GPHN: variants seen among roughly 807,000 people sequenced by gnomAD.
GPHN encodes the protein gephyrin.
A neutral mutation model predicts 95.5 loss-of-function variants in GPHN; 17 were observed. The ratio of observed to expected loss-of-function variants is 0.18; its 90% CI spans 0.12 to 0.27. The LOEUF is 0.27. Ranked by LOEUF, GPHN falls within the 10% of genes least tolerant of loss-of-function variation. The pLI is 1.00. For missense variants in GPHN, 660 were observed against 978.1 expected (o/e 0.67, Z 4.34); for synonymous variants, 320 against 322.5 (o/e 0.99, Z 0.08).
chr14:66,754,583 T>C (rs932767610), intron 2 of GPHN, among the ~76,000 whole-genome samples: 1 of 151,948 alleles, frequency 6.6e-6, no homozygotes, highest in Non-Finnish European at 1.5e-5. Flanking sequence ...TAGAGTAATA[T>C]AAATAATGCG....
chr14:66,743,398 A>C (rs2072967783), intron 2 of GPHN, among the ~76,000 whole-genome samples: 1 of 152,114 alleles, frequency 6.6e-6, no homozygotes, highest in South Asian at 2.1e-4. Flanking sequence ...AAACTCCCTT[A>C]AACTAAGCCC....
At chr14:67,377,345 C>T in the GPHN span, among the ~76,000 whole-genome samples, 2 of 151,228 alleles carry the variant, frequency 1.3e-5, no homozygotes, top group African/African-American at 4.9e-5. Context: ...GGTCTCCAGC[C>T]TCAGCTGTTC....
Position 66,873,039 on chromosome 14 carries a change from G to A in GPHN, c.295-6900G>A, listed in dbSNP as rs145642018. On this transcript the variant is annotated intron_variant, in intron 4 of 22. Coordinates refer to ENST00000478722, the MANE Select transcript of GPHN (RefSeq NM_020806.5). ...GTCTGCAACGCCCAGCAAGATCAAC[G>A]CAGTAGGCAGGTGATTGCTGCATTT... 3.5e-3 allele frequency among the ~76,000 whole-genome samples: 527 copies of A among 152,282 alleles called. 4 individuals carry two copies. The highest frequency in any genetic ancestry group is 4.3e-3 in the Non-Finnish European group (291 of 68,026).
chr14:67,307,070 GCT>G, the GPHN span, among the ~76,000 whole-genome samples: 1 of 144,212 alleles, frequency 6.9e-6, no homozygotes, highest in East Asian at 2.4e-4. Context: ...TGTCAGAAGT[GCT>G]CTCTTGAGTT....
chr14:66,939,796 G>A (rs2067314094), intron 8 of GPHN, among the ~76,000 whole-genome samples: 1 of 152,130 alleles, frequency 6.6e-6, no homozygotes, highest in Non-Finnish European at 1.5e-5. Context: ...CACTGTTTTG[G>A]TAAACAGCAG....
the GPHN span, among the ~76,000 whole-genome samples, chr14:67,724,782 A>G: frequency 1.3e-5 from 2 of 152,108 alleles, no homozygotes; most frequent in African/African-American, 4.8e-5. Context: ...CTTCTTTCCT[A>G]TTCCCTCTCT....
At chr14:67,240,735 G>A in the GPHN span, among the ~76,000 whole-genome samples, 2 of 152,224 alleles carry the variant, frequency 1.3e-5, no homozygotes, top group Admixed American at 6.5e-5. Flanking sequence ...CGCCAGCCAT[G>A]CCCGGAGCAC....
chr14:67,291,938 A>G, the GPHN span, among the ~76,000 whole-genome samples: 1 of 152,244 alleles, frequency 6.6e-6, no homozygotes, highest in African/African-American at 2.4e-5. Context: ...TCTGGGACTT[A>G]CCTTATGAAG....
intron 9 of GPHN, among the ~76,000 whole-genome samples, chr14:66,974,308 C>T (rs1482268330): frequency 2.6e-5 from 4 of 152,072 alleles, no homozygotes; most frequent in African/African-American, 4.8e-5. Flanking sequence ...CTCTGATGTT[C>T]TGCTGGGTAT....
At chr14:66,916,328 C>G (rs1163637818) in intron 6 of GPHN, among the ~76,000 whole-genome samples, 2 of 152,136 alleles carry the variant, frequency 1.3e-5, no homozygotes, top group African/African-American at 4.8e-5. Context: ...GTGCATAAGA[C>G]AACGTCCAGG....
intron 17 of GPHN, among the ~76,000 whole-genome samples, chr14:67,141,043 T>G (rs1253249946): frequency 6.6e-6 from 1 of 152,172 alleles, no homozygotes; most frequent in African/African-American, 2.4e-5. Flanking sequence ...ACCTGGGCAC[T>G]TTTTTGGCTG....
chr14:66,776,333 GT>G lies in GPHN; in HGVS notation c.144-126del, dbSNP rs1031486316. 6.9e-6 allele frequency: 5 copies of G among 723,888 alleles called. No homozygotes were observed. In the African/African-American group the frequency reaches 8.7e-5, roughly 13 times the overall value. 44.8% of individuals were successfully genotyped at this position (723,888 alleles called of 1,614,324 possible). ...TGGAAAATATATGCACAAAATGGTT[GT>G]TTTTCCTCCATGGTTGTTGGGGTGA... is the stretch of plus-strand genomic sequence containing the variant. On this transcript the variant is annotated intron_variant, in intron 2 of 22. Coordinates refer to ENST00000478722, the MANE Select transcript of GPHN (RefSeq NM_020806.5).
the GPHN span, among the ~76,000 whole-genome samples, chr14:67,451,928 G>A: frequency 1.3e-5 from 2 of 152,200 alleles, no homozygotes; most frequent in East Asian, 1.9e-4. Flanking sequence ...CATAATTCCC[G>A]TGTGTTGTGG....
chr14:66,565,883 CAG>C (rs1383355493), intron 1 of GPHN, among the ~76,000 whole-genome samples: 3 of 151,360 alleles, frequency 2.0e-5, no homozygotes, highest in South Asian at 2.1e-4. Flanking sequence ...GTACTGGAGA[CAG>C]AGTTTCAGAT....
chr14:67,243,174 T>C, the GPHN span, among the ~76,000 whole-genome samples: 1 of 152,112 alleles, frequency 6.6e-6, no homozygotes, highest in African/African-American at 2.4e-5. Flanking sequence ...TGTGCTTATA[T>C]AGAATATAAT....
the GPHN span, chr14:67,301,536 C>G: frequency 1.9e-6 from 2 of 1,058,648 alleles, no homozygotes; most frequent in South Asian, 3.3e-5. Context: ...ATCAAAGACT[C>G]CAGTACTGGA....
chr14:67,280,808 C>T, the GPHN span, among the ~76,000 whole-genome samples: 1 of 110,374 alleles, frequency 9.1e-6, no homozygotes, highest in Non-Finnish European at 1.8e-5. Context: ...TCCTTCCTTC[C>T]TTCCTTCCTT....
chr14:66,952,009 C>G (rs145761700), intron 8 of GPHN, among the ~76,000 whole-genome samples: 1 of 152,048 alleles, frequency 6.6e-6, no homozygotes, highest in South Asian at 2.1e-4. Flanking sequence ...GAAAGGATTT[C>G]TTTTTTAATT....
chr14:67,079,145 C>G (rs1360783597), intron 11 of GPHN, among the ~76,000 whole-genome samples: 1 of 151,904 alleles, frequency 6.6e-6, no homozygotes, highest in African/African-American at 2.4e-5. Flanking sequence ...TCCTAAATAT[C>G]ACATATAGAA....
Sources: gnomAD v4.1 joint callset for allele counts (sites outside exome capture counted in the v4.1 genomes callset) on GRCh38, gnomAD v4.1.1 for gene constraint, MANE v1.5 for transcripts, NCBI Gene and HGNC (gene_info 2026-07-23, HGNC 2026-07-21) for gene names.